Variants in PCSK5 observed in about 807,000 individuals in gnomAD.
PCSK5 encodes prohormone convertase 5.
A neutral mutation model predicts 233.2 loss-of-function variants in PCSK5; 129 were observed. The observed-to-expected ratio is 0.55, with a 90% CI of 0.48 to 0.64. PCSK5 has a LOEUF of 0.64. Among genes scored for constraint, PCSK5 ranks in the 30% least tolerant of loss-of-function variants. The probability of loss-of-function intolerance (pLI) is 0.00; values close to 1 mark genes in which losing one functional copy is unlikely to be tolerated. For synonymous variants in PCSK5, 825 were observed against 879.2 expected (o/e 0.94, Z 1.09); for missense variants, 2,076 against 2,430.1 (o/e 0.85, Z 3.06).
At chr9:76,349,222 C>T (rs147714712) in intron 35 of PCSK5, among the ~76,000 whole-genome samples, 3,423 of 141,626 alleles carry the variant, frequency 0.024, 114 homozygotes, top group African/African-American at 0.086. Flanking sequence ...TGCAGTGAGC[C>T]GAGATCGCGC....
At chr9:76,337,950 T>G (rs1013923220) in intron 34 of PCSK5, among the ~76,000 whole-genome samples, 1 of 152,092 alleles carries the variant, frequency 6.6e-6, no homozygotes, top group African/African-American at 2.4e-5. Flanking sequence ...CTAGCAACGA[T>G]GGAGGTGCTA....
chr9:76,193,263 G>A (rs767088125), intron 20 of PCSK5: 1 of 1,613,536 alleles, frequency 6.2e-7, no homozygotes, highest in Non-Finnish European at 8.5e-7. Flanking sequence ...GGCGGAAGGA[G>A]GCTTCTGTAT....
In PCSK5 at chr9:76,093,472, C is replaced by A. The variant is rs187849917; in HGVS notation, c.895-2418C>A. Among the ~76,000 whole-genome samples, 443 of 152,008 alleles carry A rather than the reference C, an allele frequency of 2.9e-3. 3 individuals carry two copies. Among genetic ancestry groups the A allele is most frequent in the Non-Finnish European group, 5.3e-3 (359 of 67,982 alleles). Reference sequence around the variant, plus strand: ...TTGTAACTACATTATCACAAAAATGCTTCCTAAATATTTTATTAAATATTC... The same window carrying A: ...TTGTAACTACATTATCACAAAAATGATTCCTAAATATTTTATTAAATATTC... On this transcript the variant is annotated intron_variant, in intron 7 of 37. Coordinates refer to ENST00000674117, the MANE Select transcript of PCSK5 (RefSeq NM_001372043.1).
At chr9:76,109,632 TAGA>T (rs1832127817) in intron 9 of PCSK5, among the ~76,000 whole-genome samples, 1 of 151,362 alleles carries the variant, frequency 6.6e-6, no homozygotes, top group South Asian at 2.1e-4. Context: ...CTGTGATGAG[TAGA>T]AGGAGGTTCC....
rs150886693 is a variant in PCSK5, at chr9:76,259,132, A to C, written c.3142+18448A>C. 2.4e-4 allele frequency among the ~76,000 whole-genome samples: 37 copies of C among 152,342 alleles called. 2 individuals carry two copies. The East Asian group carries it at 5.8e-3, about 24-fold the overall frequency. On this transcript the variant is annotated intron_variant, in intron 24 of 37. Transcript: ENST00000674117. ...AATATGTCTGTCTGAAGCTAGAACT[A>C]GTAGATAATGCTTGATGACTGACAG...
intron 9 of PCSK5, among the ~76,000 whole-genome samples, chr9:76,132,918 A>G (rs1396753953): frequency 6.6e-6 from 1 of 152,064 alleles, no homozygotes; most frequent in Non-Finnish European, 1.5e-5. Flanking sequence ...GATTGGGAAA[A>G]AAATGTAGTA....
At chr9:76,189,541 T>C in intron 19 of PCSK5, 90 bp from the exon 20 acceptor site, 2 of 798,866 alleles carry the variant, frequency 2.5e-6, no homozygotes, top group Non-Finnish European at 4.2e-6. Flanking sequence ...AGAGGGATAA[T>C]TAAATGTAAG....
chr9:75,931,448 C>T (rs553610385), intron 1 of PCSK5, among the ~76,000 whole-genome samples: 2 of 152,094 alleles, frequency 1.3e-5, no homozygotes, highest in South Asian at 4.2e-4. Flanking sequence ...TTAACTAGCC[C>T]AAAGTCCAAT....
intron 21 of PCSK5, among the ~76,000 whole-genome samples, chr9:76,231,123 A>G (rs1826065181): frequency 6.6e-6 from 1 of 152,140 alleles, no homozygotes; most frequent in Non-Finnish European, 1.5e-5. Context: ...ATGACTGGGA[A>G]GGTCTCAGGA....
intron 9 of PCSK5, among the ~76,000 whole-genome samples, chr9:76,117,291 T>C (rs1276030434): frequency 6.6e-6 from 1 of 152,110 alleles, no homozygotes; most frequent in Admixed American, 6.6e-5. Flanking sequence ...CAATAGAGCC[T>C]ACATTTCAGT....
chr9:76,320,820 G>GT (rs201178647), intron 30 of PCSK5, among the ~76,000 whole-genome samples: 524 of 135,360 alleles, frequency 3.9e-3, no homozygotes, highest in Non-Finnish European at 5.4e-3. Flanking sequence ...TTTTGGTTTT[G>GT]TTTTTTTTTT....
At chr9:76,089,271 G>A (rs1831189958) in intron 7 of PCSK5, among the ~76,000 whole-genome samples, 1 of 152,136 alleles carries the variant, frequency 6.6e-6, no homozygotes, top group African/African-American at 2.4e-5. Context: ...GGAATGACAA[G>A]GGGCTTTGAT....
At chr9:76,211,310 G>T (rs1334084470) in intron 20 of PCSK5, among the ~76,000 whole-genome samples, 1 of 152,144 alleles carries the variant, frequency 6.6e-6, no homozygotes, top group African/African-American at 2.4e-5. Context: ...TCATCCCTGG[G>T]TATTGCTTTG....
intron 20 of PCSK5, among the ~76,000 whole-genome samples, chr9:76,190,270 G>A (rs1158157504): frequency 6.6e-6 from 1 of 151,390 alleles, no homozygotes; most frequent in Non-Finnish European, 1.5e-5. Context: ...GCCATGCAAA[G>A]TAGTTTTACT....
intron 9 of PCSK5, among the ~76,000 whole-genome samples, chr9:76,113,425 T>C (rs1382924941): frequency 6.6e-6 from 1 of 152,210 alleles, no homozygotes; most frequent in Non-Finnish European, 1.5e-5. Context: ...TATATAAATC[T>C]TACATAATTC....
chr9:76,107,241 T>G lies in PCSK5; in HGVS notation c.1108-10T>G, dbSNP rs1284566551. 2 of 1,586,298 alleles carry G rather than the reference T, an allele frequency of 1.3e-6. No homozygotes were observed. The highest frequency in any genetic ancestry group is 2.3e-5 in the South Asian group (2 of 88,756). ...CCTCAGAAATCTAAACTTTTCACTT[T>G]GTTTTCCAGATCACTACAGATCTGA... On this transcript the variant is annotated splice_polypyrimidine_tract_variant and intron_variant, in intron 8 of 37. Transcript: ENST00000674117.
At chr9:76,075,640 A>C (rs1254978520) in intron 7 of PCSK5, among the ~76,000 whole-genome samples, 1 of 152,226 alleles carries the variant, frequency 6.6e-6, no homozygotes, top group Non-Finnish European at 1.5e-5. Context: ...AACTTAATAC[A>C]ATATTAGATT....
intron 1 of PCSK5, among the ~76,000 whole-genome samples, chr9:75,900,036 G>A (rs1301122719): frequency 3.3e-5 from 5 of 152,154 alleles, no homozygotes; most frequent in African/African-American, 1.2e-4. Context: ...TGGAAGTCAG[G>A]TTGTGGGGCA....
intron 4 of PCSK5, among the ~76,000 whole-genome samples, chr9:76,026,026 T>G (rs566908811): frequency 6.6e-6 from 1 of 152,204 alleles, no homozygotes; most frequent in Admixed American, 6.5e-5. Context: ...TGCTTGAGCA[T>G]AGGAGATACA....
Sources: gnomAD v4.1 joint callset for allele counts (sites outside exome capture counted in the v4.1 genomes callset) on GRCh38, gnomAD v4.1.1 for gene constraint, MANE v1.5 for transcripts, NCBI Gene and HGNC (gene_info 2026-07-23, HGNC 2026-07-21) for gene names.